FERMT2: variants seen among roughly 807,000 people sequenced by gnomAD.
FERMT2 encodes FERM domain containing kindlin 2, also known as fermitin family homolog 2.
In FERMT2, 15 loss-of-function variants were observed where a neutral mutation model predicts 82.7. That is an observed-to-expected ratio of 0.18 (90% CI 0.12 to 0.28). The LOEUF (loss-of-function observed/expected upper bound fraction) is 0.28, where lower values mean the gene tolerates loss of function less well. Ranked by LOEUF, FERMT2 falls within the 10% of genes least tolerant of loss-of-function variation. The pLI is 1.00. For missense variants in FERMT2, 645 were observed against 809.4 expected (o/e 0.80, Z 2.46); for synonymous variants, 274 against 271.5 (o/e 1.01, Z -0.09).
chr14:52,897,186 T>C (rs57696191), intron 3 of FERMT2, among the ~76,000 whole-genome samples: 1,644 of 152,214 alleles, frequency 0.011, 34 homozygotes, highest in African/African-American at 0.038. Context: ...GACTAGCAAA[T>C]CATTTTAACA....
intron 3 of FERMT2, among the ~76,000 whole-genome samples, chr14:52,894,961 A>G (rs1373211783): frequency 1.3e-5 from 2 of 152,070 alleles, no homozygotes; most frequent in African/African-American, 2.4e-5. Context: ...GCAAGCATAC[A>G]GTGGGACAAC....
intron 4 of FERMT2, among the ~76,000 whole-genome samples, chr14:52,883,004 C>T (rs1308740104): frequency 1.3e-5 from 2 of 152,060 alleles, no homozygotes; most frequent in African/African-American, 2.4e-5. Context: ...TCGAGATCAG[C>T]CTGGCCAACA....
intron 10 of FERMT2, among the ~76,000 whole-genome samples, chr14:52,867,744 C>T (rs973571440): frequency 1.3e-5 from 2 of 152,120 alleles, no homozygotes; most frequent in Non-Finnish European, 2.9e-5. Flanking sequence ...CTCATCTTTC[C>T]CCCCAAACCC....
chr14:52,886,685 T>A (rs1053464920), intron 4 of FERMT2, among the ~76,000 whole-genome samples: 3 of 152,260 alleles, frequency 2.0e-5, no homozygotes, highest in African/African-American at 2.4e-5. Context: ...TAGGATCTCA[T>A]TTATGTTATT....
At chr14:52,932,509 A>G (rs935960243) in intron 2 of FERMT2, among the ~76,000 whole-genome samples, 6 of 152,364 alleles carry the variant, frequency 3.9e-5, no homozygotes, top group African/African-American at 1.4e-4. Flanking sequence ...TAGCAGCCAT[A>G]TAACTACTTG....
intron 3 of FERMT2, among the ~76,000 whole-genome samples, chr14:52,911,865 T>C (rs903644730): frequency 3.3e-5 from 5 of 152,140 alleles, no homozygotes; most frequent in African/African-American, 1.2e-4. Context: ...CAATTAGCTG[T>C]TTTCTTATTT....
At chr14:52,933,601 T>G (rs1165722778) in intron 2 of FERMT2, among the ~76,000 whole-genome samples, 2 of 150,234 alleles carry the variant, frequency 1.3e-5, no homozygotes, top group African/African-American at 4.9e-5. Flanking sequence ...TCCCAGCTAC[T>G]TGGGAGGCTG....
intron 3 of FERMT2, among the ~76,000 whole-genome samples, chr14:52,894,166 G>GT (rs1477760738): frequency 1.3e-5 from 2 of 152,222 alleles, no homozygotes; most frequent in South Asian, 2.1e-4. Flanking sequence ...ATTCTGCCCT[G>GT]TATCAAATGG....
At position 52,873,062 on chromosome 14, in the gene FERMT2, C is replaced by CT. The variant is rs1885726560; in HGVS notation, c.1149-140dup. ...GAAATTGATCCCCCTTGGTCAGCGTCTTATTAGTCAGTGCTACTGTTACTG... is the reference window on the plus strand; with the variant it reads ...GAAATTGATCCCCCTTGGTCAGCGTCTTTATTAGTCAGTGCTACTGTTACTG... On this transcript the variant is annotated intron_variant, in intron 9 of 14. Transcript: ENST00000341590. 1.0e-5 allele frequency: 7 copies of CT among 703,452 alleles called. No individual in the cohort carries two copies. In the South Asian group the frequency reaches 1.3e-4, roughly 13 times the overall value. The allele number at this position is 703,452 out of a possible 1,614,324, so 43.6% of individuals were successfully genotyped here. A position where few individuals can be genotyped will look rare whatever the true frequency, so the allele number is the denominator to read the frequency against.
chr14:52,901,024 G>A (rs1887593746), intron 3 of FERMT2, among the ~76,000 whole-genome samples: 1 of 150,012 alleles, frequency 6.7e-6, no homozygotes, highest in African/African-American at 2.5e-5. Flanking sequence ...ACTTTGGGAG[G>A]CCGAGGCGGG....
intron 4 of FERMT2, among the ~76,000 whole-genome samples, chr14:52,883,475 CAA>C (rs1048445380): frequency 3.3e-5 from 5 of 152,154 alleles, no homozygotes; most frequent in African/African-American, 4.8e-5. Context: ...AACTTCTAGG[CAA>C]AGTCTTGTTT....
intron 2 of FERMT2, among the ~76,000 whole-genome samples, chr14:52,934,718 A>G (rs1889757412): frequency 6.6e-6 from 1 of 152,188 alleles, no homozygotes; most frequent in Non-Finnish European, 1.5e-5. Context: ...ATGGTGAGCT[A>G]TTTCTTCTTT....
chr14:52,927,815 A>C (rs1361279235), intron 2 of FERMT2, among the ~76,000 whole-genome samples: 7 of 151,962 alleles, frequency 4.6e-5, no homozygotes, highest in Non-Finnish European at 8.8e-5. Context: ...TGGGCCTTCA[A>C]ACTTTGCACA....
At position 52,861,053 on chromosome 14, in the gene FERMT2, GGAAAGAAAAAGGAAGCA is replaced by G. The variant is rs748555323; in HGVS notation, c.1603-605_1603-589del. On this transcript the variant is annotated intron_variant, in intron 12 of 14. Coordinates refer to ENST00000341590, the MANE Select transcript of FERMT2 (RefSeq NM_006832.3). ...AGCCTGGCTGTAGATGGCAATGCGA[GGAAAGAAAAAGGAAGCA>G]GAAAGAAAAAAAAAGGCAATCAGAA... The G allele has an allele frequency of 2.0e-5, 30 of 1,492,292 alleles. No homozygotes were observed. The South Asian group carries it at 3.9e-4, about 19-fold the overall frequency. 92.4% of individuals were successfully genotyped at this position (1,492,292 alleles called of 1,614,324 possible). A position where few individuals can be genotyped will look rare whatever the true frequency, so the allele number is the denominator to read the frequency against.
At chr14:52,860,284 G>GTAGAT in intron 13 of FERMT2, 57 bp downstream of exon 13, 1 of 1,546,618 alleles carries the variant, frequency 6.5e-7, no homozygotes, top group Non-Finnish European at 8.9e-7. Flanking sequence ...ATTACATGAG[G>GTAGAT]TAGATTAAGC....
At chr14:52,872,119 A>C (rs1316926712) in intron 10 of FERMT2, 2 of 152,478 alleles carry the variant, frequency 1.3e-5, no homozygotes, top group South Asian at 2.1e-4. Context: ...GTCGAAGAAG[A>C]AAGCCCAGGG....
At chr14:52,914,540 A>G (rs942316887) in intron 3 of FERMT2, among the ~76,000 whole-genome samples, 14 of 152,208 alleles carry the variant, frequency 9.2e-5, no homozygotes, top group Admixed American at 7.2e-4. Flanking sequence ...ATCCAATACC[A>G]TAAGATAAAG....
chr14:52,878,382 T>A (rs1022724808), intron 7 of FERMT2, among the ~76,000 whole-genome samples, 200 bp downstream of exon 7: 5 of 152,192 alleles, frequency 3.3e-5, no homozygotes. Context: ...AGTACTTAAG[T>A]ATACCACTGA....
chr14:52,906,957 G>C (rs1888047123), intron 3 of FERMT2, among the ~76,000 whole-genome samples: 1 of 136,584 alleles, frequency 7.3e-6, no homozygotes, highest in Non-Finnish European at 1.6e-5. Flanking sequence ...GGGGGGGGGG[G>C]GGGAATTTAG....
Sources: gnomAD v4.1 joint callset for allele counts (sites outside exome capture counted in the v4.1 genomes callset) on GRCh38, gnomAD v4.1.1 for gene constraint, MANE v1.5 for transcripts, NCBI Gene and HGNC (gene_info 2026-07-23, HGNC 2026-07-21) for gene names.